CD200R1L: variants seen among roughly 807,000 people sequenced by gnomAD.
CD200R1L encodes cell surface glycoprotein CD200 receptor 2.
Under a neutral mutation model 24.8 loss-of-function variants are expected in CD200R1L, and 14 were observed. The observed-to-expected ratio is 0.56, with a 90% CI of 0.37 to 0.88. The LOEUF (loss-of-function observed/expected upper bound fraction) is 0.88, where lower values mean the gene tolerates loss of function less well. Among genes scored for constraint, CD200R1L ranks in the 40% least tolerant of loss-of-function variants. The pLI is 0.00. For missense variants in CD200R1L, 299 were observed against 297.8 expected, an observed-to-expected ratio of 1.00 and a Z score of -0.03; for synonymous variants, 111 against 109.2, an observed-to-expected ratio of 1.02 and a Z score of -0.11.
At chr3:112,816,299 A>C (rs910774050) in intron 7 of CD200R1L, among the ~76,000 whole-genome samples, 4 of 152,114 alleles carry the variant, frequency 2.6e-5, no homozygotes, top group Non-Finnish European at 5.9e-5. Flanking sequence ...GCCTCAACAG[A>C]GAGGTAGGGA....
At chr3:112,824,921 G>T (rs749294255) in intron 6 of CD200R1L, among the ~76,000 whole-genome samples, 7 of 152,178 alleles carry the variant, frequency 4.6e-5, no homozygotes, top group Non-Finnish European at 7.3e-5. Flanking sequence ...TATAGGGAAA[G>T]AAGTGCCTTA....
intron 2 of CD200R1L, among the ~76,000 whole-genome samples, chr3:112,841,825 C>T (rs985161188): frequency 6.6e-6 from 1 of 152,204 alleles, no homozygotes; most frequent in Non-Finnish European, 1.5e-5. Flanking sequence ...AAACCATGCA[C>T]TCGATCCCAA....
At chr3:112,819,310 A>C (rs148237963) in intron 7 of CD200R1L, among the ~76,000 whole-genome samples, 1 of 152,244 alleles carries the variant, frequency 6.6e-6, no homozygotes, top group Non-Finnish European at 1.5e-5. Flanking sequence ...CTTTGAACCC[A>C]AAGGCTTATT....
intron 4 of CD200R1L, among the ~76,000 whole-genome samples, chr3:112,828,268 A>C (rs1938714525): frequency 6.6e-6 from 1 of 152,196 alleles, no homozygotes; most frequent in Non-Finnish European, 1.5e-5. Flanking sequence ...TACGGCATTC[A>C]AGTGGAGCTA....
intron 4 of CD200R1L, 96 bp downstream of exon 4, chr3:112,829,223 A>T: frequency 1.1e-6 from 1 of 913,510 alleles, no homozygotes; most frequent in South Asian, 1.4e-5. Flanking sequence ...TCAAGTAGTC[A>T]CAAGGCTGGC....
chr3:112,844,319 A>T (rs114109721), intron 2 of CD200R1L, among the ~76,000 whole-genome samples: 5,810 of 152,284 alleles, frequency 0.038, 135 homozygotes, highest in South Asian at 0.059. Context: ...TCAATAAATT[A>T]AAAAATGTCA....
At chr3:112,824,976 G>T (rs774054497) in intron 6 of CD200R1L, among the ~76,000 whole-genome samples, 5 of 152,158 alleles carry the variant, frequency 3.3e-5, no homozygotes, top group African/African-American at 1.2e-4. Context: ...GGTGGCTCAC[G>T]CCTGGAATTC....
At chr3:112,821,421 C>T (rs10934188) in intron 6 of CD200R1L, among the ~76,000 whole-genome samples, 47,814 of 152,114 alleles carry the variant, frequency 0.31, 8,487 homozygotes, top group Non-Finnish European at 0.4. Context: ...CCTTTTATTC[C>T]TAAGCAGATA....
chr3:112,821,759 A>G (rs1375806703), intron 6 of CD200R1L, among the ~76,000 whole-genome samples: 1 of 152,234 alleles, frequency 6.6e-6, no homozygotes, highest in Non-Finnish European at 1.5e-5. Context: ...AATACTTTTT[A>G]GTTAAATGTA....
chr3:112,834,311 C>T (rs557778916), intron 3 of CD200R1L, among the ~76,000 whole-genome samples: 1 of 148,384 alleles, frequency 6.7e-6, no homozygotes, highest in Admixed American at 6.8e-5. Flanking sequence ...GACCTCGGCT[C>T]ACTGCAACCT....
In CD200R1L at chr3:112,845,714, G is replaced by A; in HGVS notation, c.-122C>T. ...GATAATGATGGAAATCAGTAATCTTGGAGCTGACATCTTCCCTAAAGTATG... is the reference window on the plus strand; with the variant it reads ...GATAATGATGGAAATCAGTAATCTTAGAGCTGACATCTTCCCTAAAGTATG... On this transcript the variant is annotated 5_prime_UTR_variant, in exon 2 of 8. Coordinates refer to ENST00000488794, the MANE Select transcript of CD200R1L (RefSeq NM_001199215.3). 3.1e-6 allele frequency: 5 copies of A among 1,613,250 alleles called. No individual in the cohort carries two copies. The highest frequency in any genetic ancestry group is 4.2e-6 in the Non-Finnish European group (5 of 1,179,480).
intron 2 of CD200R1L, chr3:112,841,330 T>C (rs1197734129): frequency 1.1e-5 from 5 of 446,354 alleles, no homozygotes; most frequent in Non-Finnish European, 2.2e-5. Flanking sequence ...TCCTCAGCCA[T>C]GCTTCCTGTA....
Position 112,827,030 on chromosome 3 carries a change from C to A in CD200R1L, c.579G>T (p.Leu193Phe). The change falls in exon 6 of 8, where the codon TTG (leucine) becomes TTT (phenylalanine). Residue 193 changes from leucine to phenylalanine, a missense_variant. Transcript: ENST00000488794. Reference sequence around the variant, plus strand: ...TTACGGACAGACTCTTGTTGCCAGTCAAATGGGAGACATGGCAGGTCACAG... The same window carrying A: ...TTACGGACAGACTCTTGTTGCCAGTAAAATGGGAGACATGGCAGGTCACAG... ...KSTVTCHVSH[L>F]TGNKSLSVKL... is the part of the protein sequence containing the mutation. 1 of 1,612,060 alleles carries A rather than the reference C, an allele frequency of 6.2e-7. No homozygotes were observed. Among genetic ancestry groups the A allele is most frequent in the Non-Finnish European group, 8.5e-7 (1 of 1,179,672 alleles).
intron 6 of CD200R1L, among the ~76,000 whole-genome samples, chr3:112,823,881 C>T (rs530743838): frequency 6.6e-6 from 1 of 151,984 alleles, no homozygotes; most frequent in Admixed American, 6.6e-5. Context: ...CAAAGAGGCC[C>T]ACATGCATGG....
At chr3:112,829,771 G>T (rs1938752115) in intron 3 of CD200R1L, among the ~76,000 whole-genome samples, 2 of 152,194 alleles carry the variant, frequency 1.3e-5, no homozygotes, top group Admixed American at 1.3e-4. Context: ...ATCTTTAAAT[G>T]AAATTTCTCT....
intron 7 of CD200R1L, among the ~76,000 whole-genome samples, chr3:112,818,540 T>A (rs1047985442): frequency 6.6e-6 from 1 of 152,228 alleles, no homozygotes; most frequent in African/African-American, 2.4e-5. Context: ...AGCAAGCAAG[T>A]AATGGATGGA....
In CD200R1L at chr3:112,829,468, AC is replaced by A. The variant is rs1309995398; in HGVS notation, c.-17-85del. 3 of 1,363,816 alleles carry A rather than the reference AC, an allele frequency of 2.2e-6. No individual in the cohort carries two copies. In the East Asian group the frequency reaches 7.1e-5, roughly 32 times the overall value. The allele number at this position is 1,363,816 out of a possible 1,614,324, so 84.5% of individuals were successfully genotyped here. A position where few individuals can be genotyped will look rare whatever the true frequency, so the allele number is the denominator to read the frequency against. On this transcript the variant is annotated intron_variant, in intron 3 of 7. Transcript: ENST00000488794. ...AAGTGTTTCCCCACAGTCTTACTCA[AC>A]ATGAAGACAATTAGTTAACCATAAC...
intron 4 of CD200R1L, among the ~76,000 whole-genome samples, chr3:112,828,157 A>G (rs2107339480): frequency 6.6e-6 from 1 of 152,346 alleles, no homozygotes; most frequent in East Asian, 1.9e-4. Context: ...TGAGCACAAG[A>G]AAAATCAGTA....
intron 6 of CD200R1L, among the ~76,000 whole-genome samples, chr3:112,823,152 G>A (rs1016921082): frequency 6.6e-6 from 1 of 152,180 alleles, no homozygotes; most frequent in Admixed American, 6.5e-5. Context: ...GCCTATATAA[G>A]CAAGACCTTA....
Sources: gnomAD v4.1 joint callset for allele counts (sites outside exome capture counted in the v4.1 genomes callset) on GRCh38, gnomAD v4.1.1 for gene constraint, MANE v1.5 for transcripts, NCBI Gene and HGNC (gene_info 2026-07-23, HGNC 2026-07-21) for gene names.